Variants in DNAI4 observed in about 807,000 individuals in gnomAD.
DNAI4 encodes the protein dynein axonemal intermediate chain 4, also known as WD repeat domain 78.
DNAI4 carries 85 observed loss-of-function variants against 105.8 expected under a neutral mutation model. The observed-to-expected ratio is 0.80, with a 90% CI of 0.67 to 0.96. The LOEUF (loss-of-function observed/expected upper bound fraction) is 0.96, where lower values mean the gene tolerates loss of function less well. Ranked by LOEUF, DNAI4 falls within the 40% of genes least tolerant of loss-of-function variation. The pLI is 0.00. For missense variants in DNAI4, 1,014 were observed against 1,005.6 expected (o/e 1.01, Z -0.11); for synonymous variants, 352 against 331.5 (o/e 1.06, Z -0.67).
intron 7 of DNAI4, among the ~76,000 whole-genome samples, chr1:66,861,394 GA>G (rs1245003420): frequency 2.0e-5 from 3 of 152,110 alleles, no homozygotes; most frequent in Non-Finnish European, 4.4e-5. Flanking sequence ...CAACATTTCA[GA>G]ATAGGAAAAG....
intron 13 of DNAI4, 36 bp from the exon 14 acceptor site, chr1:66,827,946 A>G (rs965473989): frequency 1.6e-5 from 21 of 1,295,828 alleles, no homozygotes; most frequent in Non-Finnish European, 5.5e-6. Context: ...TTGGCTTGTG[A>G]TACATTAGTA....
chr1:66,860,421 A>T (rs1226997668), intron 7 of DNAI4, among the ~76,000 whole-genome samples: 2 of 152,054 alleles, frequency 1.3e-5, no homozygotes, highest in African/African-American at 4.8e-5. Context: ...AGGACCTTAG[A>T]GGTAACTAGT....
chr1:66,821,091 C>CTTTTTTTTTTTTTTTTTTTTTTTTTT, intron 16 of DNAI4, among the ~76,000 whole-genome samples: 2 of 80,326 alleles, frequency 2.5e-5, no homozygotes, highest in Non-Finnish European at 2.3e-5. Context: ...AAACATTTCT[C>CTTTTTTTTTTTTTTTTTTTTTTTTTT]TTTTTTTTTT....
chr1:66,866,173 G>T (rs1021242726), intron 6 of DNAI4, among the ~76,000 whole-genome samples: 8 of 151,968 alleles, frequency 5.3e-5, no homozygotes, highest in Admixed American at 3.9e-4. Context: ...CAGGTGTGAC[G>T]GCAGGCACTT....
chr1:66,854,890 G>A (rs1646468604), intron 7 of DNAI4, among the ~76,000 whole-genome samples: 4 of 152,152 alleles, frequency 2.6e-5, no homozygotes, highest in South Asian at 4.1e-4. Flanking sequence ...GACATTCCAT[G>A]TTCACAGATT....
intron 1 of DNAI4, chr1:66,921,111 C>T (rs1650449250): frequency 6.6e-6 from 1 of 152,076 alleles, no homozygotes; most frequent in Non-Finnish European, 1.5e-5. Context: ...GATTAATATG[C>T]TAAGGGTTCT....
At chr1:66,842,785 T>C (rs948453387) in intron 8 of DNAI4, among the ~76,000 whole-genome samples, 1 of 152,164 alleles carries the variant, frequency 6.6e-6, no homozygotes, top group African/African-American at 2.4e-5. Context: ...GAATAAGACT[T>C]CTTGTTGCTC....
chr1:66,895,277 G>C (rs979265328), intron 2 of DNAI4, among the ~76,000 whole-genome samples: 4 of 152,142 alleles, frequency 2.6e-5, no homozygotes, highest in Admixed American at 6.5e-5. Flanking sequence ...CTAGGGGTTT[G>C]AGACCAGCCT....
At chr1:66,882,136 T>C (rs986774402) in intron 4 of DNAI4, among the ~76,000 whole-genome samples, 1 of 152,184 alleles carries the variant, frequency 6.6e-6, no homozygotes, top group Non-Finnish European at 1.5e-5. Flanking sequence ...TATGTCTTTA[T>C]CAGCAGGGTG....
intron 2 of DNAI4, among the ~76,000 whole-genome samples, chr1:66,898,981 T>C (rs1198062332): frequency 1.3e-5 from 2 of 152,232 alleles, no homozygotes; most frequent in African/African-American, 4.8e-5. Context: ...TGTATGGCTA[T>C]ACAACATTTT....
chr1:66,919,176 C>T, intron 1 of DNAI4: 1 of 411,302 alleles, frequency 2.4e-6, no homozygotes, highest in Non-Finnish European at 5.0e-6. Flanking sequence ...GCCAGTACTT[C>T]CTGGGGCTGT....
intron 13 of DNAI4, among the ~76,000 whole-genome samples, chr1:66,832,927 A>C (rs1645897909): frequency 6.6e-6 from 1 of 152,156 alleles, no homozygotes; most frequent in South Asian, 2.1e-4. Flanking sequence ...CTAATCCCCA[A>C]ATCCTGAGAG....
chr1:66,894,500 G>A (rs1427782493), intron 2 of DNAI4, among the ~76,000 whole-genome samples: 1 of 151,620 alleles, frequency 6.6e-6, no homozygotes, highest in Non-Finnish European at 1.5e-5. Flanking sequence ...TATTTTTAAC[G>A]TAGTCAATTG....
intron 6 of DNAI4, among the ~76,000 whole-genome samples, chr1:66,862,647 AT>A (rs1389629947): frequency 6.6e-6 from 1 of 152,234 alleles, no homozygotes. Context: ...GTGGATAGAA[AT>A]GACAAAGAAA....
rs759855466 is a variant in DNAI4 at position 66,874,901 on chromosome 1, A to T, written c.680T>A (p.Val227Glu). 3.1e-6 allele frequency: 5 copies of T among 1,612,040 alleles called. No individual in the cohort carries two copies. The African/African-American group carries it at 6.7e-5, about 22-fold the overall frequency. Residue 227 changes from valine (V) to glutamate (E), a missense_variant, in exon 5 of 17, where the codon GTA becomes GAA. Physicochemically the swap from Val to Glu is moderately radical, Grantham distance 121. Coordinates refer to ENST00000371026, the MANE Select transcript of DNAI4 (RefSeq NM_024763.5). ...ATTCTTCTCCAGGTCTTCTTTTGTTACAATTTTTTCAGGTGCTGCCCTTAT... is the reference window on the plus strand; with the variant it reads ...ATTCTTCTCCAGGTCTTCTTTTGTTTCAATTTTTTCAGGTGCTGCCCTTAT... ...QVIRAAPEKIVTKEDLEKNIE... is the reference protein window; with the variant it reads ...QVIRAAPEKIETKEDLEKNIE...
At chr1:66,865,771 T>G (rs1282250486) in intron 6 of DNAI4, among the ~76,000 whole-genome samples, 1 of 152,228 alleles carries the variant, frequency 6.6e-6, no homozygotes, top group Non-Finnish European at 1.5e-5. Flanking sequence ...CGAGCTTCAT[T>G]CCTTCTCCTA....
intron 13 of DNAI4, among the ~76,000 whole-genome samples, chr1:66,829,300 A>G (rs939383707): frequency 2.0e-5 from 3 of 152,196 alleles, no homozygotes; most frequent in Non-Finnish European, 4.4e-5. Context: ...AAAAGGTGAG[A>G]CCCAATTATA....
chr1:66,909,657 A>G (rs1649516017), intron 1 of DNAI4, among the ~76,000 whole-genome samples: 1 of 151,994 alleles, frequency 6.6e-6, no homozygotes, highest in African/African-American at 2.4e-5. Flanking sequence ...ATTCCCAAAT[A>G]TATGTATATC....
chr1:66,856,435 T>C (rs1043862787), intron 7 of DNAI4, among the ~76,000 whole-genome samples: 2 of 151,842 alleles, frequency 1.3e-5, no homozygotes, highest in South Asian at 2.1e-4. Context: ...ATCGTGCCAC[T>C]GCACTCCAGC....
Sources: gnomAD v4.1 joint callset for allele counts (sites outside exome capture counted in the v4.1 genomes callset) on GRCh38, gnomAD v4.1.1 for gene constraint, MANE v1.5 for transcripts, NCBI Gene and HGNC (gene_info 2026-07-23, HGNC 2026-07-21) for gene names.